Variants in EDN1 observed in about 807,000 individuals in gnomAD.
The protein encoded by EDN1 is endothelin-1.
Under a neutral mutation model 21.7 loss-of-function variants are expected in EDN1, and 11 were observed. The observed-to-expected ratio is 0.51, with a 90% CI of 0.32 to 0.84. EDN1 has a LOEUF of 0.84. EDN1 is among the 40% of genes least tolerant of loss of function. The probability of loss-of-function intolerance (pLI) is 0.03; values close to 1 mark genes in which losing one functional copy is unlikely to be tolerated. For missense variants in EDN1, 244 were observed against 262.3 expected, an observed-to-expected ratio of 0.93 and a Z score of 0.48; for synonymous variants, 85 against 90.6, an observed-to-expected ratio of 0.94 and a Z score of 0.35.
chr6:12,279,396 T>C, the EDN1 span, among the ~76,000 whole-genome samples: 1 of 152,098 alleles, frequency 6.6e-6, no homozygotes, highest in Non-Finnish European at 1.5e-5. Context: ...GCTAGATAGC[T>C]GGTGTGAGGG....
the EDN1 span, among the ~76,000 whole-genome samples, chr6:12,237,616 C>T: frequency 5.3e-4 from 80 of 152,248 alleles, no homozygotes; most frequent in African/African-American, 1.8e-3. Flanking sequence ...ATCTGCTGAA[C>T]GACTGAGGTT....
chr6:12,272,862 G>A, the EDN1 span, among the ~76,000 whole-genome samples: 2 of 152,218 alleles, frequency 1.3e-5, no homozygotes, highest in Non-Finnish European at 2.9e-5. Flanking sequence ...GGAATGTCAG[G>A]TGTGGACAGA....
intron 2 of EDN1, among the ~76,000 whole-genome samples, chr6:12,293,420 T>C (rs1762736191): frequency 6.6e-6 from 1 of 152,102 alleles, no homozygotes; most frequent in African/African-American, 2.4e-5. Flanking sequence ...GCAGGAGAAA[T>C]GTGTGAACAT....
the EDN1 span, among the ~76,000 whole-genome samples, chr6:12,242,095 C>G: frequency 6.6e-6 from 1 of 152,194 alleles, no homozygotes; most frequent in Non-Finnish European, 1.5e-5. Flanking sequence ...TTCCTCTTTG[C>G]TGCAAAGCTG....
At chr6:12,251,926 G>A in the EDN1 span, among the ~76,000 whole-genome samples, 1 of 152,186 alleles carries the variant, frequency 6.6e-6, no homozygotes, top group Admixed American at 6.6e-5. Context: ...CCAGCACAGA[G>A]AGATGGATCT....
At chr6:12,274,456 T>C in the EDN1 span, among the ~76,000 whole-genome samples, 1 of 152,320 alleles carries the variant, frequency 6.6e-6, no homozygotes, top group Non-Finnish European at 1.5e-5. Flanking sequence ...CATACCTCCC[T>C]GATGGAAAAA....
At chr6:12,260,451 T>C in the EDN1 span, among the ~76,000 whole-genome samples, 1 of 152,220 alleles carries the variant, frequency 6.6e-6, no homozygotes, top group African/African-American at 2.4e-5. Flanking sequence ...TACCTTCATG[T>C]CTGTGAGTGG....
Position 12,292,297 on chromosome 6 carries a change from G to A in EDN1, c.65-44G>A, listed in dbSNP as rs745505730. 8.7e-6 allele frequency: 14 copies of A among 1,609,958 alleles called. No homozygotes were observed. In the East Asian group the frequency reaches 1.3e-4, roughly 15 times the overall value. Reference sequence around the variant, plus strand: ...ACTGTGATCCAGCATGTCTCTCGGCGTTTGAGGAGACATCCCCCACTGACC... The same window carrying A: ...ACTGTGATCCAGCATGTCTCTCGGCATTTGAGGAGACATCCCCCACTGACC... On this transcript the variant is annotated intron_variant, in intron 1 of 4. Coordinates refer to ENST00000379375, the MANE Select transcript of EDN1 (RefSeq NM_001955.5).
chr6:12,240,111 A>G, the EDN1 span, among the ~76,000 whole-genome samples: 2 of 152,232 alleles, frequency 1.3e-5, no homozygotes, highest in Non-Finnish European at 2.9e-5. Context: ...GCCAGATGCC[A>G]TGAAATTTTG....
the EDN1 span, among the ~76,000 whole-genome samples, chr6:12,248,502 A>G: frequency 1.3e-5 from 2 of 152,236 alleles, no homozygotes; most frequent in East Asian, 1.9e-4. Flanking sequence ...ATTGAAGTCT[A>G]TGAGCAGACT....
the EDN1 span, among the ~76,000 whole-genome samples, chr6:12,255,231 A>G: frequency 7.9e-5 from 12 of 152,240 alleles, no homozygotes; most frequent in African/African-American, 2.7e-4. Context: ...TACAATTTCA[A>G]AACAATAGCA....
At chr6:12,238,508 G>A in the EDN1 span, among the ~76,000 whole-genome samples, 3 of 152,310 alleles carry the variant, frequency 2.0e-5, no homozygotes, top group Admixed American at 6.5e-5. Flanking sequence ...TGGTCAGAGC[G>A]CATTTGTCAG....
the EDN1 span, among the ~76,000 whole-genome samples, chr6:12,246,700 T>TCAA: frequency 6.6e-6 from 1 of 151,184 alleles, no homozygotes; most frequent in African/African-American, 2.4e-5. Context: ...TTGTTCTCAG[T>TCAA]TTAGACTTGT....
chr6:12,239,488 A>G, the EDN1 span, among the ~76,000 whole-genome samples: 5 of 152,206 alleles, frequency 3.3e-5, no homozygotes, highest in African/African-American at 1.2e-4. Flanking sequence ...TCCAGGATCT[A>G]TCTTTTAGGG....
chr6:12,266,694 T>A, the EDN1 span, among the ~76,000 whole-genome samples: 57 of 152,170 alleles, frequency 3.7e-4, no homozygotes, highest in Admixed American at 1.7e-3. Flanking sequence ...GAGTCCTGAT[T>A]GAGAGTGGGG....
the EDN1 span, among the ~76,000 whole-genome samples, chr6:12,238,306 T>C: frequency 6.6e-6 from 1 of 152,154 alleles, no homozygotes; most frequent in Non-Finnish European, 1.5e-5. Flanking sequence ...TGGGGTGTGA[T>C]AGCACATTTG....
the EDN1 span, among the ~76,000 whole-genome samples, chr6:12,260,143 A>C: frequency 1.3e-5 from 2 of 152,146 alleles, no homozygotes; most frequent in Non-Finnish European, 2.9e-5. Context: ...CTCTTAAAAA[A>C]CAATAAGAAA....
the EDN1 span, among the ~76,000 whole-genome samples, chr6:12,272,191 A>C: frequency 2.6e-5 from 4 of 152,190 alleles, no homozygotes; most frequent in African/African-American, 9.7e-5. Context: ...GAGACTGGTC[A>C]CTGCTTGATA....
intron 1 of EDN1, 29 bp from the exon 2 acceptor site, chr6:12,292,312 C>T (rs1195148367): frequency 9.3e-6 from 15 of 1,612,524 alleles, no homozygotes; most frequent in Non-Finnish European, 1.3e-5. Context: ...AGGAGACATC[C>T]CCCACTGACC....
Sources: gnomAD v4.1 joint callset for allele counts (sites outside exome capture counted in the v4.1 genomes callset) on GRCh38, gnomAD v4.1.1 for gene constraint, MANE v1.5 for transcripts, NCBI Gene and HGNC (gene_info 2026-07-23, HGNC 2026-07-21) for gene names.